Variants in SLIT3 observed in about 807,000 individuals in gnomAD.
The protein encoded by SLIT3 is slit guidance ligand 3.
A neutral mutation model predicts 184.0 loss-of-function variants in SLIT3; 68 were observed. That is an observed-to-expected ratio of 0.37 (90% CI 0.30 to 0.45). The LOEUF is 0.45. Among genes scored for constraint, SLIT3 ranks in the 20% least tolerant of loss-of-function variants. The pLI, the probability that SLIT3 is intolerant of heterozygous loss-of-function variation, is 1.00. For synonymous variants in SLIT3, 831 were observed against 828.6 expected, an observed-to-expected ratio of 1.00 and a Z score of -0.05; for missense variants, 1,707 against 2,026.0, an observed-to-expected ratio of 0.84 and a Z score of 3.02.
chr5:169,094,256 A>G (rs1250508083), intron 4 of SLIT3, among the ~76,000 whole-genome samples: 1 of 152,226 alleles, frequency 6.6e-6, no homozygotes, highest in African/African-American at 2.4e-5. Context: ...ACAGAGGCTC[A>G]TGAAGTTAAA....
chr5:168,954,476 C>G (rs936204471), intron 4 of SLIT3, among the ~76,000 whole-genome samples: 2 of 152,274 alleles, frequency 1.3e-5, no homozygotes, highest in Non-Finnish European at 2.9e-5. Context: ...CTCCTAACAC[C>G]TGTCAGATTC....
At chr5:169,213,710 C>T (rs1246988541) in intron 3 of SLIT3, among the ~76,000 whole-genome samples, 1 of 152,208 alleles carries the variant, frequency 6.6e-6, no homozygotes, top group Non-Finnish European at 1.5e-5. Flanking sequence ...TGTTTACTGT[C>T]TATGGTCTCC....
chr5:168,744,823 G>A (rs67799002), intron 20 of SLIT3, among the ~76,000 whole-genome samples: 6,800 of 152,266 alleles, frequency 0.045, 211 homozygotes, highest in Non-Finnish European at 0.067. Flanking sequence ...CTCTCATGGA[G>A]ATGTACACAC....
intron 1 of SLIT3, among the ~76,000 whole-genome samples, chr5:169,284,820 C>A (rs1410340442): frequency 6.6e-6 from 1 of 152,186 alleles, no homozygotes; most frequent in Non-Finnish European, 1.5e-5. Flanking sequence ...ATCCTTAGTT[C>A]TTACAACAAT....
chr5:168,806,729 C>T lies in SLIT3; in HGVS notation c.794-142G>A, dbSNP rs1040750979. The T allele has an allele frequency of 5.6e-5, 51 of 916,026 alleles. 1 individual carries two copies. The highest frequency in any genetic ancestry group is 4.2e-4 in the South Asian group (25 of 59,186). The allele number at this position is 916,026 out of a possible 1,614,324, so 56.7% of individuals were successfully genotyped here. A position where few individuals can be genotyped will look rare whatever the true frequency, so the allele number is the denominator to read the frequency against. ...ATCACCAGCTGACATCTCCCTTCACCTGGGAGACACAGGTGCCACAGGCTA... is the reference window on the plus strand; with the variant it reads ...ATCACCAGCTGACATCTCCCTTCACTTGGGAGACACAGGTGCCACAGGCTA... On this transcript the variant is annotated intron_variant, in intron 8 of 35. Transcript: ENST00000519560.
chr5:169,242,620 G>A (rs1053157614), intron 3 of SLIT3, among the ~76,000 whole-genome samples: 1 of 152,186 alleles, frequency 6.6e-6, no homozygotes, highest in African/African-American at 2.4e-5. Context: ...TTGTCCCTGA[G>A]TCTCCACTTG....
intron 4 of SLIT3, among the ~76,000 whole-genome samples, chr5:168,905,114 A>T (rs1359601862): frequency 6.6e-6 from 1 of 152,076 alleles, no homozygotes. Flanking sequence ...GAGGCGGAGG[A>T]TGCAGTGAGC....
intron 6 of SLIT3, among the ~76,000 whole-genome samples, chr5:168,829,726 T>C (rs1267580891): frequency 2.0e-5 from 3 of 152,254 alleles, no homozygotes; most frequent in African/African-American, 7.2e-5. Context: ...CAGAGGTGGA[T>C]GCAGCCAAAG....
chr5:168,724,362 T>C, intron 21 of SLIT3, 54 bp downstream of exon 21: 1 of 1,490,030 alleles, frequency 6.7e-7, no homozygotes, highest in East Asian at 2.3e-5. Context: ...TTCAGTTTCC[T>C]GAGCGACCCC....
At chr5:169,115,964 A>C (rs1232986618) in intron 4 of SLIT3, among the ~76,000 whole-genome samples, 1 of 152,062 alleles carries the variant, frequency 6.6e-6, no homozygotes. Flanking sequence ...TAGGGTAGAT[A>C]CTCTATAAAG....
At chr5:168,991,949 G>A (rs184155915) in intron 4 of SLIT3, among the ~76,000 whole-genome samples, 212 of 152,360 alleles carry the variant, frequency 1.4e-3, no homozygotes, top group African/African-American at 4.9e-3. Context: ...CCCCCTGACT[G>A]GCAGGCACTG....
chr5:168,671,258 C>A lies in SLIT3; in HGVS notation c.4067G>T (p.Arg1356Leu). Residue 1356 changes from arginine to leucine, a missense_variant, in exon 34 of 36, where the codon CGC becomes CTC. Transcript: ENST00000519560. ...GCAGAGTGGGCCGGTCCAGCCTGGG[C>A]GGCACTCGCACACCACGCTGTCCTT... The part of the protein sequence containing the change: ...VEKDSVVCEC[R>L]PGWTGPLCDQ... The A allele has an allele frequency of 6.2e-7, 1 of 1,613,402 alleles. No homozygotes were observed. The highest frequency in any genetic ancestry group is 8.5e-7 in the Non-Finnish European group (1 of 1,179,880).
rs545656403 is a variant in SLIT3 at position 169,226,321 on chromosome 5, C to T, written c.341+18384G>A. Among the ~76,000 whole-genome samples the T allele has an allele frequency of 5.7e-4, 86 of 152,130 alleles. No individual in the cohort carries two copies. The Middle Eastern group carries it at 0.01, about 18-fold the overall frequency. ...CTGAGGCACACCTTTGGGAGACCTTCGACTCCTCTGCAGCCCCTTTTCTTC... is the reference window on the plus strand; with the variant it reads ...CTGAGGCACACCTTTGGGAGACCTTTGACTCCTCTGCAGCCCCTTTTCTTC... On this transcript the variant is annotated intron_variant, in intron 3 of 35. Coordinates refer to ENST00000519560, the MANE Select transcript of SLIT3 (RefSeq NM_003062.4).
chr5:168,827,295 A>G (rs1757737791), intron 6 of SLIT3, among the ~76,000 whole-genome samples: 1 of 152,210 alleles, frequency 6.6e-6, no homozygotes, highest in Non-Finnish European at 1.5e-5. Flanking sequence ...CAGAAGTCTA[A>G]AATGGGTTTC....
chr5:168,671,138 G>A (rs1761225379), intron 34 of SLIT3, 60 bp downstream of exon 34: 1 of 1,555,376 alleles, frequency 6.4e-7, no homozygotes, highest in Non-Finnish European at 8.7e-7. Flanking sequence ...CTCAGGTGGG[G>A]TAGGGACTGA....
intron 4 of SLIT3, among the ~76,000 whole-genome samples, chr5:169,070,970 C>T (rs1302526823): frequency 6.6e-6 from 1 of 152,160 alleles, no homozygotes; most frequent in East Asian, 1.9e-4. Flanking sequence ...GCTACTTGGT[C>T]CTTGGAGACA....
intron 1 of SLIT3, among the ~76,000 whole-genome samples, chr5:169,262,416 T>C (rs1766224074): frequency 6.6e-6 from 1 of 152,056 alleles, no homozygotes; most frequent in South Asian, 2.1e-4. Context: ...AAGGATCCAG[T>C]TGAAGGACAG....
At chr5:169,017,759 T>C (rs1756446812) in intron 4 of SLIT3, 1 of 152,154 alleles carries the variant, frequency 6.6e-6, no homozygotes, top group African/African-American at 2.4e-5. Context: ...ATAAATATTG[T>C]CTATGAGAAA....
intron 4 of SLIT3, among the ~76,000 whole-genome samples, chr5:168,935,352 C>A (rs1473180218): frequency 6.6e-6 from 1 of 152,110 alleles, no homozygotes. Context: ...GGGCCTCTGG[C>A]CACACCCCCT....
Sources: gnomAD v4.1 joint callset for allele counts (sites outside exome capture counted in the v4.1 genomes callset) on GRCh38, gnomAD v4.1.1 for gene constraint, MANE v1.5 for transcripts, NCBI Gene and HGNC (gene_info 2026-07-23, HGNC 2026-07-21) for gene names.